Variants in KCNQ5 observed in about 807,000 individuals in gnomAD.
The protein encoded by KCNQ5 is potassium voltage-gated channel subfamily KQT member 5.
KCNQ5 carries 30 observed loss-of-function variants against 98.2 expected under a neutral mutation model. The ratio of observed to expected loss-of-function variants is 0.31; its 90% CI spans 0.23 to 0.41. KCNQ5 has a LOEUF of 0.41. Ranked by LOEUF, KCNQ5 falls within the 10% of genes least tolerant of loss-of-function variation. The pLI is 1.00. For missense variants in KCNQ5, 835 were observed against 1,182.5 expected, an observed-to-expected ratio of 0.71 and a Z score of 4.31; for synonymous variants, 458 against 449.4, an observed-to-expected ratio of 1.02 and a Z score of -0.24.
chr6:72,954,776 A>G (rs957661670), intron 1 of KCNQ5, among the ~76,000 whole-genome samples: 4 of 152,190 alleles, frequency 2.6e-5, no homozygotes. Flanking sequence ...GGTTGGTTCC[A>G]TCTGTGTGGT....
At chr6:73,056,090 C>G (rs1935541) in intron 3 of KCNQ5, among the ~76,000 whole-genome samples, 103,497 of 152,184 alleles carry the variant, frequency 0.68, 40,073 homozygotes, top group Non-Finnish European at 0.88. Flanking sequence ...AAAAGCCCCC[C>G]TTATCCAAGA....
At chr6:72,746,518 A>G (rs1212744241) in intron 1 of KCNQ5, among the ~76,000 whole-genome samples, 1 of 152,178 alleles carries the variant, frequency 6.6e-6, no homozygotes, top group Admixed American at 6.5e-5. Context: ...GGGAGTAGTC[A>G]TTGAACTAAA....
In KCNQ5 at chr6:72,709,488, T is replaced by A. The variant is rs1354386754; in HGVS notation, c.398+86901T>A. 5.3e-5 allele frequency among the ~76,000 whole-genome samples: 8 copies of A among 152,280 alleles called. 1 individual carries two copies. In the South Asian group the frequency reaches 1.7e-3, roughly 32 times the overall value. ...CGGTTTTATGGCCCCTAACAGAGAT[T>A]TGGCCCAGAAAAGAGATGCTTAAAC... On this transcript the variant is annotated intron_variant, in intron 1 of 13. Coordinates refer to ENST00000370398, the MANE Select transcript of KCNQ5 (RefSeq NM_019842.4).
intron 1 of KCNQ5, among the ~76,000 whole-genome samples, chr6:72,965,415 G>A (rs539646357): frequency 1.3e-5 from 2 of 152,306 alleles, no homozygotes; most frequent in African/African-American, 2.4e-5. Flanking sequence ...TACGAGCAAT[G>A]GCTTGGTATT....
intron 1 of KCNQ5, among the ~76,000 whole-genome samples, chr6:72,903,417 C>T (rs1279133256): frequency 5.3e-5 from 8 of 152,132 alleles, no homozygotes; most frequent in Admixed American, 1.3e-4. Context: ...TGAGGTGTGA[C>T]GTTAGATTGT....
chr6:72,728,624 G>A (rs1332366609), intron 1 of KCNQ5, among the ~76,000 whole-genome samples: 2 of 152,188 alleles, frequency 1.3e-5, no homozygotes, highest in East Asian at 1.9e-4. Context: ...AGAAGGTAAT[G>A]TTCTTTGATT....
At chr6:73,045,928 A>G (rs1161518063) in intron 3 of KCNQ5, among the ~76,000 whole-genome samples, 3 of 152,148 alleles carry the variant, frequency 2.0e-5, no homozygotes, top group African/African-American at 7.2e-5. Flanking sequence ...TTGATTTCTT[A>G]TTGTTATTTT....
At chr6:73,156,590 A>C (rs1217576223) in intron 10 of KCNQ5, among the ~76,000 whole-genome samples, 2 of 152,106 alleles carry the variant, frequency 1.3e-5, no homozygotes, top group East Asian at 3.9e-4. Context: ...ACACCATTGC[A>C]CTCCAGCTGG....
chr6:72,741,645 A>G (rs1231999775), intron 1 of KCNQ5, among the ~76,000 whole-genome samples: 3 of 152,214 alleles, frequency 2.0e-5, no homozygotes, highest in Non-Finnish European at 2.9e-5. Flanking sequence ...AATAGGAAAG[A>G]CATACCTTAG....
At chr6:73,165,317 A>G (rs1190280753) in intron 10 of KCNQ5, among the ~76,000 whole-genome samples, 1 of 152,134 alleles carries the variant, frequency 6.6e-6, no homozygotes, top group Non-Finnish European at 1.5e-5. Flanking sequence ...TTGTTATTCA[A>G]TATTTCCTTT....
chr6:73,072,896 C>CT (rs543457620), intron 3 of KCNQ5, among the ~76,000 whole-genome samples: 120 of 148,696 alleles, frequency 8.1e-4, no homozygotes, highest in South Asian at 6.0e-3. Context: ...GGATTACATG[C>CT]TTTTTTTTTT....
chr6:73,175,918 G>T (rs146049845), intron 11 of KCNQ5, among the ~76,000 whole-genome samples: 4 of 152,304 alleles, frequency 2.6e-5, no homozygotes, highest in Non-Finnish European at 5.9e-5. Context: ...TAGATATGTA[G>T]GAACTAGCCA....
chr6:72,691,717 C>T (rs2154474256), intron 1 of KCNQ5, among the ~76,000 whole-genome samples: 1 of 152,286 alleles, frequency 6.6e-6, no homozygotes, highest in East Asian at 1.9e-4. Flanking sequence ...ATCTCCTGGG[C>T]ACTCTGCATT....
At chr6:73,178,034 C>A (rs1331400832) in intron 11 of KCNQ5, among the ~76,000 whole-genome samples, 2 of 151,832 alleles carry the variant, frequency 1.3e-5, no homozygotes, top group African/African-American at 2.4e-5. Context: ...ATCTCCTATT[C>A]CATGTTAAAA....
At chr6:72,718,088 T>C (rs1257140816) in intron 1 of KCNQ5, among the ~76,000 whole-genome samples, 2 of 152,196 alleles carry the variant, frequency 1.3e-5, no homozygotes, top group Non-Finnish European at 1.5e-5. Flanking sequence ...ATGAGGTTTA[T>C]TATTTACATT....
chr6:72,753,086 ACCC>A (rs1771769933), intron 1 of KCNQ5, among the ~76,000 whole-genome samples: 1 of 152,092 alleles, frequency 6.6e-6, no homozygotes, highest in Admixed American at 6.6e-5. Flanking sequence ...TGCTTCCATA[ACCC>A]CCAAAATTTC....
chr6:72,961,053 T>A (rs1767320666), intron 1 of KCNQ5, among the ~76,000 whole-genome samples: 1 of 152,194 alleles, frequency 6.6e-6, no homozygotes, highest in South Asian at 2.1e-4. Context: ...AAGGATAGCT[T>A]GAGCCCAGGA....
intron 1 of KCNQ5, among the ~76,000 whole-genome samples, chr6:72,752,658 A>G (rs1170573026): frequency 1.2e-4 from 19 of 152,144 alleles, no homozygotes; most frequent in Admixed American, 1.2e-3. Context: ...CAGTCTCCTG[A>G]ATTGCCTAAA....
intron 1 of KCNQ5, among the ~76,000 whole-genome samples, chr6:72,835,212 G>T (rs1776452800): frequency 6.6e-6 from 1 of 151,948 alleles, no homozygotes; most frequent in African/African-American, 2.4e-5. Flanking sequence ...ATATTAAAGT[G>T]GTCTTTCCTG....
Sources: gnomAD v4.1 joint callset for allele counts (sites outside exome capture counted in the v4.1 genomes callset) on GRCh38, gnomAD v4.1.1 for gene constraint, MANE v1.5 for transcripts, NCBI Gene and HGNC (gene_info 2026-07-23, HGNC 2026-07-21) for gene names.